Variants in CMTM8 observed in about 807,000 individuals in gnomAD.
CMTM8 encodes the protein CKLF like MARVEL transmembrane domain containing 8, also known as CKLF-like MARVEL transmembrane domain-containing protein 8.
A neutral mutation model predicts 18.6 loss-of-function variants in CMTM8; 12 were observed. The ratio of observed to expected loss-of-function variants is 0.65; its 90% CI spans 0.41 to 1.05. The LOEUF is 1.05. Ranked by LOEUF, CMTM8 falls within the 50% of genes least tolerant of loss-of-function variation. CMTM8 has a pLI of 0.00. For synonymous variants in CMTM8, 87 were observed against 90.6 expected (o/e 0.96, Z 0.23); for missense variants, 217 against 227.2 (o/e 0.95, Z 0.29).
intron 1 of CMTM8, among the ~76,000 whole-genome samples, chr3:32,306,021 G>A (rs1038464910): frequency 6.6e-6 from 1 of 152,132 alleles, no homozygotes; most frequent in African/African-American, 2.4e-5. Context: ...GGAGTGTGTA[G>A]CAGTTAGTAT....
chr3:32,324,267 TA>T (rs5847755), intron 1 of CMTM8, among the ~76,000 whole-genome samples: 17,924 of 149,432 alleles, frequency 0.12, 1,197 homozygotes, highest in African/African-American at 0.18. Context: ...CTTATAACAT[TA>T]AAAAAAAAAC....
rs1425855360 is a variant in CMTM8, at chr3:32,328,344, T to G, written c.148-29029T>G. ...GAGATCACACCACTGCACTCCAGCC[T>G]GGGTGATGGAGTGAGACCCTGTCTC... On this transcript the variant is annotated intron_variant, in intron 1 of 3. Coordinates refer to ENST00000307526, the MANE Select transcript of CMTM8 (RefSeq NM_178868.5). 2.5e-5 allele frequency among the ~76,000 whole-genome samples: 3 copies of G among 119,920 alleles called. No individual in the cohort carries two copies. The Admixed American group carries it at 3.1e-4, about 12-fold the overall frequency. 78.7% of individuals were successfully genotyped at this position (119,920 alleles called of 152,430 possible).
At position 32,238,896 on chromosome 3, in the gene CMTM8, CA is replaced by C; in HGVS notation, c.-76del. ...CTCCCCTCCCCCGCGCCTGTGTCCC[CA>C]GGGCGCAGGGCCGCGCGTCCAGCCC... is the stretch of plus-strand genomic sequence containing the variant. On this transcript the variant is annotated 5_prime_UTR_variant, in exon 1 of 4. Coordinates refer to ENST00000307526, the MANE Select transcript of CMTM8 (RefSeq NM_178868.5). 3 of 1,365,458 alleles carry C rather than the reference CA, an allele frequency of 2.2e-6. No individual in the cohort carries two copies. Among genetic ancestry groups the C allele is most frequent in the Non-Finnish European group, 2.9e-6 (3 of 1,044,754 alleles). The allele number at this position is 1,365,458 out of a possible 1,614,324, so 84.6% of individuals were successfully genotyped here.
chr3:32,335,192 G>A (rs1394995106), intron 1 of CMTM8, among the ~76,000 whole-genome samples: 2 of 152,194 alleles, frequency 1.3e-5, no homozygotes, highest in East Asian at 3.8e-4. Flanking sequence ...TGGTCTCCAG[G>A]GGTACCAGTG....
At chr3:32,347,366 G>A (rs955635271) in intron 1 of CMTM8, among the ~76,000 whole-genome samples, 26 of 147,122 alleles carry the variant, frequency 1.8e-4, no homozygotes, top group African/African-American at 6.5e-4. Context: ...GCCTGCAGCT[G>A]GCTGGCTGGA....
chr3:32,343,670 A>G (rs1253954975), intron 1 of CMTM8, among the ~76,000 whole-genome samples: 1 of 152,060 alleles, frequency 6.6e-6, no homozygotes, highest in African/African-American at 2.4e-5. Context: ...CCATCGTTGC[A>G]CTGCCATTGA....
intron 1 of CMTM8, among the ~76,000 whole-genome samples, chr3:32,319,304 C>G (rs536420697): frequency 1.1e-4 from 16 of 151,272 alleles, no homozygotes; most frequent in African/African-American, 3.4e-4. Context: ...GTCTCGAACT[C>G]CTGACCTCAG....
chr3:32,369,170 C>T (rs147854421), intron 3 of CMTM8, among the ~76,000 whole-genome samples: 3,274 of 151,724 alleles, frequency 0.022, 120 homozygotes, highest in African/African-American at 0.071. Context: ...AAAAATGAGC[C>T]GGGGGTGGTG....
At chr3:32,319,074 A>ATATATATATAT in intron 1 of CMTM8, among the ~76,000 whole-genome samples, 3 of 31,530 alleles carry the variant, frequency 9.5e-5, no homozygotes, top group African/African-American at 3.1e-4. Context: ...ATATATATAT[A>ATATATATATAT]TTTTTTTTTT....
intron 1 of CMTM8, among the ~76,000 whole-genome samples, chr3:32,326,540 A>G (rs887645860): frequency 2.3e-5 from 3 of 129,040 alleles, no homozygotes; most frequent in Non-Finnish European, 4.8e-5. Context: ...TTTTTTTGAC[A>G]GAGTCTCGCT....
intron 1 of CMTM8, among the ~76,000 whole-genome samples, chr3:32,276,236 T>TCTCCAG (rs1369248575): frequency 6.6e-6 from 1 of 152,162 alleles, no homozygotes; most frequent in Non-Finnish European, 1.5e-5. Context: ...AGGGAAACTC[T>TCTCCAG]CTCCAGCTCC....
rs1371350885 is a variant in CMTM8 at position 32,260,206 on chromosome 3, C to T, written c.147+21087C>T. ...ATGGCAAAGTGGTGTCTGAGACCAA[C>T]GACACCAAAGTTCTGAGACATTAAG... On this transcript the variant is annotated intron_variant, in intron 1 of 3. Coordinates refer to ENST00000307526, the MANE Select transcript of CMTM8 (RefSeq NM_178868.5). The T allele has an allele frequency of 7.6e-5, 104 of 1,370,182 alleles. No homozygotes were observed. In the East Asian group the frequency reaches 1.7e-3, roughly 22 times the overall value. 84.9% of individuals were successfully genotyped at this position (1,370,182 alleles called of 1,614,324 possible). A position where few individuals can be genotyped will look rare whatever the true frequency, so the allele number is the denominator to read the frequency against.
intron 1 of CMTM8, among the ~76,000 whole-genome samples, chr3:32,250,354 C>T (rs890807670): frequency 1.3e-5 from 2 of 152,052 alleles, no homozygotes; most frequent in Non-Finnish European, 2.9e-5. Context: ...TATTCTGGGC[C>T]CCTTGCATTT....
intron 1 of CMTM8, among the ~76,000 whole-genome samples, chr3:32,329,438 G>A (rs1696229316): frequency 6.6e-6 from 1 of 152,136 alleles, no homozygotes; most frequent in Admixed American, 6.6e-5. Context: ...GTGTTCAACT[G>A]GGATTTATTT....
chr3:32,357,305 C>A, intron 1 of CMTM8, 68 bp from the exon 2 acceptor site: 18 of 989,960 alleles, frequency 1.8e-5, no homozygotes, highest in South Asian at 7.9e-5. Flanking sequence ...TTTCTTTGTC[C>A]CTCCTTCCTT....
At chr3:32,318,312 T>C (rs995935519) in intron 1 of CMTM8, among the ~76,000 whole-genome samples, 9 of 152,078 alleles carry the variant, frequency 5.9e-5, no homozygotes, top group Admixed American at 2.6e-4. Flanking sequence ...TACTTTTCCA[T>C]TTTTTAACCA....
intron 1 of CMTM8, among the ~76,000 whole-genome samples, chr3:32,332,034 ACG>A (rs147241826): frequency 8.3e-5 from 12 of 143,962 alleles, no homozygotes; most frequent in African/African-American, 2.8e-4. Context: ...TTTTGACCAC[ACG>A]CGCACACACA....
intron 1 of CMTM8, among the ~76,000 whole-genome samples, chr3:32,277,485 G>C (rs1702537267): frequency 6.6e-6 from 1 of 151,390 alleles, no homozygotes; most frequent in African/African-American, 2.4e-5. Flanking sequence ...TGATCCTCCT[G>C]CCTCAACCTC....
intron 1 of CMTM8, among the ~76,000 whole-genome samples, chr3:32,330,603 A>G (rs1484662635): frequency 6.6e-6 from 1 of 152,222 alleles, no homozygotes; most frequent in East Asian, 1.9e-4. Context: ...GCCCAGTAAT[A>G]TACGCTCATA....
Sources: allele counts gnomAD v4.1 joint callset (sites outside exome capture counted in the v4.1 genomes callset), GRCh38; gene constraint gnomAD v4.1.1; transcripts MANE v1.5; gene names NCBI Gene and HGNC (gene_info 2026-07-23, HGNC 2026-07-21).